Variants in GID4 observed in about 807,000 individuals in gnomAD.
GID4 encodes glucose-induced degradation protein 4 homolog.
GID4 carries 7 observed loss-of-function variants against 32.4 expected under a neutral mutation model. That is an observed-to-expected ratio of 0.22 (90% CI 0.12 to 0.41). GID4 has a LOEUF of 0.41. Among genes scored for constraint, GID4 ranks in the 10% least tolerant of loss-of-function variants. GID4 has a pLI of 1.00. For synonymous variants in GID4, 166 were observed against 170.0 expected, an observed-to-expected ratio of 0.98 and a Z score of 0.18; for missense variants, 309 against 400.0, an observed-to-expected ratio of 0.77 and a Z score of 1.94.
chr17:18,056,847 C>T, intron 3 of GID4: 12 of 1,550,574 alleles, frequency 7.7e-6, no homozygotes, highest in Non-Finnish European at 1.0e-5. Context: ...GTGCTTCCTC[C>T]TCCAACAGTT....
In GID4 at chr17:18,067,151, A is replaced by C. The variant is rs894616051; in HGVS notation, c.*1908A>C. The C allele has an allele frequency of 6.6e-6, 1 of 152,414 alleles. No homozygotes were observed. The highest frequency in any genetic ancestry group is 2.4e-5 in the African/African-American group (1 of 41,452). The allele number at this position is 152,414 out of a possible 1,614,324, so 9.4% of individuals were successfully genotyped here. On this transcript the variant is annotated 3_prime_UTR_variant, in exon 6 of 6. Transcript: ENST00000268719. ...AGCTGATGGACAAGTGAAGGAGGCCATGGGGCTGTGCTGTCCTTCCTGCCG... is the reference window on the plus strand; with the variant it reads ...AGCTGATGGACAAGTGAAGGAGGCCCTGGGGCTGTGCTGTCCTTCCTGCCG...
chr17:18,062,784 A>G (rs898965210), intron 5 of GID4, among the ~76,000 whole-genome samples: 16 of 152,216 alleles, frequency 1.1e-4, no homozygotes, highest in African/African-American at 3.9e-4. Flanking sequence ...CCTTTTTAAA[A>G]ATAACAGCTG....
At chr17:18,056,813 G>C in intron 3 of GID4, 3 of 1,550,628 alleles carry the variant, frequency 1.9e-6, no homozygotes, top group Non-Finnish European at 2.6e-6. Flanking sequence ...AGGTGTGGTT[G>C]AGCCAGGGAG....
chr17:18,050,270 G>T (rs2044897701), intron 2 of GID4, among the ~76,000 whole-genome samples: 1 of 152,228 alleles, frequency 6.6e-6, no homozygotes, highest in Non-Finnish European at 1.5e-5. Flanking sequence ...TCGAATGATA[G>T]TTCTGTTTTT....
Position 18,039,415 on chromosome 17 carries a change from T to G in GID4, c.-50T>G. The G allele has an allele frequency of 5.7e-6, 7 of 1,235,310 alleles. No individual in the cohort carries two copies. The highest frequency in any genetic ancestry group is 7.6e-6 in the Non-Finnish European group (7 of 922,888). The allele number at this position is 1,235,310 out of a possible 1,614,324, so 76.5% of individuals were successfully genotyped here. Reference sequence around the variant, plus strand: ...AATCGGAAGGGGCGGGGTGTGTGTGTGTCTGTGTGTGTTTGTGTGTTGTGT... The same window carrying G: ...AATCGGAAGGGGCGGGGTGTGTGTGGGTCTGTGTGTGTTTGTGTGTTGTGT... On this transcript the variant is annotated 5_prime_UTR_variant, in exon 1 of 6. Coordinates refer to ENST00000268719, the MANE Select transcript of GID4 (RefSeq NM_024052.5). This position sits in a 1 kb window ranked among gnomAD's most constrained non-coding sequence, Gnocchi z 5.3.
chr17:18,065,175 T>C lies in GID4; in HGVS notation c.840-5T>C. The C allele has an allele frequency of 1.2e-6, 2 of 1,612,192 alleles. No individual in the cohort carries two copies. Among genetic ancestry groups the C allele is most frequent in the Non-Finnish European group, 1.7e-6 (2 of 1,178,250 alleles). ...CCTCCCGTTTCTGTCTCCTCCCCCT[T>C]GCAGGTATCAGTCCCTCAATCTAAC... On this transcript the variant is annotated splice_polypyrimidine_tract_variant and splice_region_variant and intron_variant, in intron 5 of 5. Transcript: ENST00000268719.
chr17:18,045,149 C>T lies in GID4; in HGVS notation c.441C>T (p.His147=), dbSNP rs764917589. Reference sequence around the variant, plus strand: ...GGCTGTGTATCCTTTCTTTTCAGCACGTGGACACGGGGAACTCTTACCTTT... The same window carrying T: ...GGCTGTGTATCCTTTCTTTTCAGCATGTGGACACGGGGAACTCTTACCTTT... ...NSYDVEVVLQ[H]VDTGNSYLCG... Residue 147 remains histidine, a splice_region_variant and synonymous_variant, in exon 2 of 6, where the codon CAC becomes CAT. Transcript: ENST00000268719. The T allele has an allele frequency of 6.2e-6, 10 of 1,612,128 alleles. No homozygotes were observed. The Admixed American group carries it at 6.7e-5, about 11-fold the overall frequency.
At position 18,065,237 on chromosome 17, in the gene GID4, C is replaced by A; in HGVS notation, c.897C>A (p.Phe299Leu). ...AACACAGTGCACCCATCTATGAATT[C>A]CGGTGACAACGGTTCAGAACAGCAA... ...VPEHSAPIYE[F>L]R The change falls in exon 6 of 6, where the codon TTC becomes TTA. Residue 299 changes from phenylalanine to leucine, a missense_variant. Phe to Leu is a conservative substitution (Grantham distance 22, BLOSUM62 0). Transcript: ENST00000268719. 6.2e-7 allele frequency: 1 copy of A among 1,613,026 alleles called. No individual in the cohort carries two copies. The highest frequency in any genetic ancestry group is 8.5e-7 in the Non-Finnish European group (1 of 1,179,008).
intron 1 of GID4, among the ~76,000 whole-genome samples, chr17:18,043,441 A>C (rs1288428244): frequency 6.6e-6 from 1 of 152,230 alleles, no homozygotes; most frequent in Non-Finnish European, 1.5e-5. Context: ...ATTCAATGAG[A>C]ATTGCATACA....
intron 3 of GID4, 100 bp downstream of exon 3, chr17:18,054,334 G>T: frequency 1.4e-6 from 1 of 691,236 alleles, no homozygotes; most frequent in Non-Finnish European, 2.5e-6. Context: ...GATTACTGGG[G>T]CTTTGCAACC....
chr17:18,060,571 G>C (rs1414011810), intron 4 of GID4, among the ~76,000 whole-genome samples: 1 of 152,040 alleles, frequency 6.6e-6, no homozygotes, highest in Non-Finnish European at 1.5e-5. Flanking sequence ...TGTTTGTTTT[G>C]AGACGGAATC....
intron 3 of GID4, chr17:18,057,130 G>A: frequency 7.2e-7 from 1 of 1,397,514 alleles, no homozygotes; most frequent in Non-Finnish European, 9.5e-7. Context: ...AGTCTACATA[G>A]GATAAAAATG....
At chr17:18,042,959 T>G (rs558648205) in intron 1 of GID4, among the ~76,000 whole-genome samples, 66 of 152,334 alleles carry the variant, frequency 4.3e-4, no homozygotes, top group African/African-American at 1.4e-3. Flanking sequence ...TCTGTGATTC[T>G]AGTGTAAAGA....
chr17:18,062,126 A>G, intron 5 of GID4, 151 bp downstream of exon 5: 1 of 710,700 alleles, frequency 1.4e-6, no homozygotes. Context: ...CAGTGATCTC[A>G]GTTGCTCACA....
intron 5 of GID4, among the ~76,000 whole-genome samples, chr17:18,062,903 G>A (rs939376395): frequency 2.0e-5 from 3 of 150,282 alleles, no homozygotes; most frequent in African/African-American, 4.9e-5. Context: ...GTGAAACCCC[G>A]TCTCTACTAA....
chr17:18,061,774 T>C lies in GID4; in HGVS notation c.709-71T>C. 6.8e-7 allele frequency: 1 copy of C among 1,478,628 alleles called. No homozygotes were observed. Among genetic ancestry groups the C allele is most frequent in the Non-Finnish European group, 9.4e-7 (1 of 1,060,586 alleles). 91.6% of individuals were successfully genotyped at this position (1,478,628 alleles called of 1,614,324 possible). On this transcript the variant is annotated intron_variant, in intron 4 of 5. Coordinates refer to ENST00000268719, the MANE Select transcript of GID4 (RefSeq NM_024052.5). The surrounding 1 kb of genome is among the most constrained non-coding windows in gnomAD (Gnocchi z 4.4). ...TCGAGTGGTCCTTAGAACCCCCTGATGCTTAACAGGGAGGCCCCGTGGGTG... is the reference window on the plus strand; with the variant it reads ...TCGAGTGGTCCTTAGAACCCCCTGACGCTTAACAGGGAGGCCCCGTGGGTG...
At chr17:18,048,869 C>T (rs1365678044) in intron 2 of GID4, among the ~76,000 whole-genome samples, 1 of 151,810 alleles carries the variant, frequency 6.6e-6, no homozygotes, top group Non-Finnish European at 1.5e-5. Flanking sequence ...TCTTGAACTC[C>T]TGACCTCAGA....
At chr17:18,054,677 G>T (rs544158357) in intron 3 of GID4, among the ~76,000 whole-genome samples, 1 of 152,134 alleles carries the variant, frequency 6.6e-6, no homozygotes, top group South Asian at 2.1e-4. Flanking sequence ...GCTTATCAGG[G>T]CAGAGCCACA....
chr17:18,058,222 T>C (rs2044988441), intron 3 of GID4, among the ~76,000 whole-genome samples: 3 of 152,266 alleles, frequency 2.0e-5, no homozygotes, highest in Admixed American at 2.0e-4. Context: ...TTAGGTATTA[T>C]AAGCAATCTA....
Sources: allele counts gnomAD v4.1 joint callset (sites outside exome capture counted in the v4.1 genomes callset), GRCh38; gene constraint gnomAD v4.1.1; non-coding constraint Gnocchi (gnomAD v3.1); transcripts MANE v1.5; gene names NCBI Gene and HGNC (gene_info 2026-07-23, HGNC 2026-07-21).